The following ZNF561 variants were observed in gnomAD, a reference collection of about 807,000 sequenced individuals.
ZNF561 encodes the protein zinc finger protein 561.
In ZNF561, 16 loss-of-function variants were observed where a neutral mutation model predicts 16.7. The ratio of observed to expected loss-of-function variants is 0.96; its 90% confidence interval spans 0.65 to 1.45. The LOEUF (loss-of-function observed/expected upper bound fraction) is 1.45, where lower values mean the gene tolerates loss of function less well. Ranked by LOEUF, ZNF561 falls within the 40% of genes most tolerant of loss-of-function variation. The pLI, the probability that ZNF561 is intolerant of heterozygous loss-of-function variation, is 0.00. For synonymous variants in ZNF561, 190 were observed against 192.1 expected, an observed-to-expected ratio of 0.99 and a Z score of 0.09; for missense variants, 580 against 578.0, an observed-to-expected ratio of 1.00 and a Z score of -0.04.
At chr19:9,617,697 C>T (rs1445156706) in intron 3 of ZNF561, 1 of 457,170 alleles carries the variant, frequency 2.2e-6, no homozygotes, top group Non-Finnish European at 4.4e-6. Flanking sequence ...CACAACCAGG[C>T]TAGGAGCTCT....
Position 9,610,416 on chromosome 19 carries a change from A to G in ZNF561, c.1245T>C (p.His415=), listed in dbSNP as rs1568228660. ...SSRRSKHLKT[H]SGEKPFVCKI... is the part of the protein sequence containing the mutation. ...TGCATACAAAGGGCTTTTCTCCACT[A>G]TGAGTTTTCAAATGTTTACTACGAC... The change falls in exon 6 of 6, where the codon CAT becomes CAC. Residue 415 remains histidine (H), a synonymous_variant. Transcript: ENST00000302851. 5.0e-6 allele frequency: 8 copies of G among 1,612,686 alleles called. No homozygotes were observed. The highest frequency in any genetic ancestry group is 1.7e-4 in the Middle Eastern group (1 of 6,054).
intron 5 of ZNF561, 65 bp from the exon 6 acceptor site, chr19:9,611,401 A>G: frequency 6.9e-7 from 1 of 1,456,526 alleles, no homozygotes; most frequent in Non-Finnish European, 9.2e-7. Flanking sequence ...CACCCATCTG[A>G]ACACAGAAGC....
rs1373669491 is a variant in ZNF561 at position 9,618,103 on chromosome 19, T to C, written c.102A>G (p.Ala34=). ...KVERMVEDYL[A]SGYQDSVTFD... ...GTTTTCTGCTTACCTGATAACCACT[T>C]GCCAGGTAGTCCTCCACCATCCTTT... The change falls in exon 3 of 6, where the codon GCA becomes GCG. Residue 34 remains alanine, a synonymous_variant. Transcript: ENST00000302851. The C allele has an allele frequency of 6.4e-7, 1 of 1,551,154 alleles. No homozygotes were observed.
intron 4 of ZNF561, among the ~76,000 whole-genome samples, chr19:9,616,652 T>C (rs1568235459): frequency 6.6e-6 from 1 of 151,548 alleles, no homozygotes; most frequent in African/African-American, 2.4e-5. Flanking sequence ...AGTGCAGTGG[T>C]GTGATCTTGG....
At position 9,621,225 on chromosome 19, in the gene ZNF561, C is replaced by T. The variant is rs1485897197; in HGVS notation, c.-190G>A. On this transcript the variant is annotated 5_prime_UTR_variant, in exon 1 of 6. Coordinates refer to ENST00000302851, the MANE Select transcript of ZNF561 (RefSeq NM_152289.3). The stretch of plus-strand genomic sequence containing the variant: ...CGCACTGACGGAGAGGAGCCAGCGC[C>T]GGAAAAGATGGCGGTGGTGCGCTGA... The T allele has an allele frequency of 1.3e-5, 2 of 155,692 alleles. No homozygotes were observed. Among genetic ancestry groups the T allele is most frequent in the Non-Finnish European group, 2.9e-5 (2 of 69,550 alleles). 9.6% of individuals were successfully genotyped at this position (155,692 alleles called of 1,614,324 possible). A position where few individuals can be genotyped will look rare whatever the true frequency, so the allele number is the denominator to read the frequency against.
rs1192465126 is a variant in ZNF561 at position 9,609,040 on chromosome 19, C to A, written c.*1160G>T. On this transcript the variant is annotated 3_prime_UTR_variant, in exon 6 of 6. Coordinates refer to ENST00000302851, the MANE Select transcript of ZNF561 (RefSeq NM_152289.3). Reference sequence around the variant, plus strand: ...TGAGGGCAAGGAACACCTGGCCCACCCACGGTGGAAAACTGGAAAACTGCT... The same window carrying A: ...TGAGGGCAAGGAACACCTGGCCCACACACGGTGGAAAACTGGAAAACTGCT... The A allele has an allele frequency of 6.6e-6, 1 of 152,086 alleles. No homozygotes were observed. The highest frequency in any genetic ancestry group is 1.5e-5 in the Non-Finnish European group (1 of 68,028). 9.4% of individuals were successfully genotyped at this position (152,086 alleles called of 1,614,324 possible).
chr19:9,614,220 T>G, intron 4 of ZNF561, 117 bp from the exon 5 acceptor site: 1 of 1,324,736 alleles, frequency 7.5e-7, no homozygotes. Flanking sequence ...CCAGAGAACC[T>G]TGAGGATTTT....
rs778744827 is a variant in ZNF561 at position 9,610,490 on chromosome 19, T to C, written c.1171A>G (p.Lys391Glu). Reference sequence around the variant, plus strand: ...CCACATTCAACACATTCATAAGGCTTCTCTCCTGTGTGAATTCTTGTATGC... The same window carrying C: ...CCACATTCAACACATTCATAAGGCTCCTCTCCTGTGTGAATTCTTGTATGC... Reference protein sequence around the residue: ...IQHTRIHTGEKPYECVECGKT... With the variant: ...IQHTRIHTGEEPYECVECGKT... Residue 391 changes from lysine to glutamate, a missense_variant, in exon 6 of 6, where the codon AAG becomes GAG. Transcript: ENST00000302851. 6 of 1,613,660 alleles carry C rather than the reference T, an allele frequency of 3.7e-6. No homozygotes were observed. The highest frequency in any genetic ancestry group is 5.1e-6 in the Non-Finnish European group (6 of 1,179,586).
chr19:9,612,727 G>A (rs776352197), intron 5 of ZNF561, among the ~76,000 whole-genome samples: 12 of 152,118 alleles, frequency 7.9e-5, no homozygotes, highest in Non-Finnish European at 1.2e-4. Flanking sequence ...TGAATGATGG[G>A]CCCTTTTGCC....
chr19:9,616,776 A>G (rs1179747305), intron 4 of ZNF561, among the ~76,000 whole-genome samples: 2 of 151,126 alleles, frequency 1.3e-5, no homozygotes, highest in Non-Finnish European at 2.9e-5. Flanking sequence ...GAATTTTTTT[A>G]GTAGAGACGG....
rs2074618979 is a variant in ZNF561, at chr19:9,619,444, A to G, written c.13T>C (p.Tyr5His). MAAI[Y>H]LSRGFFSREP... ...AACAAAGACTTACCACGGGACAAAT[A>G]AATGGCTGCCATTCTCTGAAGCTGA... The change falls in exon 2 of 6, where the codon TAT (tyrosine) becomes CAT (histidine). Residue 5 changes from tyrosine to histidine, a missense_variant. Coordinates refer to ENST00000302851, the MANE Select transcript of ZNF561 (RefSeq NM_152289.3). 2.5e-6 allele frequency: 4 copies of G among 1,613,468 alleles called. No individual in the cohort carries two copies. Among genetic ancestry groups the G allele is most frequent in the Non-Finnish European group, 3.4e-6 (4 of 1,179,550 alleles).
intron 1 of ZNF561, among the ~76,000 whole-genome samples, chr19:9,619,828 T>G (rs1369208659): frequency 6.6e-6 from 1 of 152,200 alleles, no homozygotes; most frequent in Non-Finnish European, 1.5e-5. Flanking sequence ...TCCCAGTAGC[T>G]ATCATTACCT....
chr19:9,617,474 T>C lies in ZNF561; in HGVS notation c.115-303A>G. The C allele has an allele frequency of 9.0e-6, 3 of 333,148 alleles. No individual in the cohort carries two copies. In the South Asian group the frequency reaches 2.0e-4, roughly 22 times the overall value. 20.6% of individuals were successfully genotyped at this position (333,148 alleles called of 1,614,324 possible). ...TTTATTTTTATTTTGATTAGAACAG[T>C]ACTTCCTAAAGATGAATTTTCCTCT... On this transcript the variant is annotated intron_variant, in intron 3 of 5. Coordinates refer to ENST00000302851, the MANE Select transcript of ZNF561 (RefSeq NM_152289.3).
In ZNF561 at chr19:9,621,179, C is replaced by G. The variant is rs557695189; in HGVS notation, c.-144G>C. The G allele has an allele frequency of 6.4e-6, 1 of 155,042 alleles. No homozygotes were observed. Among genetic ancestry groups the G allele is most frequent in the Non-Finnish European group, 1.4e-5 (1 of 69,226 alleles). The allele number at this position is 155,042 out of a possible 1,614,324, so 9.6% of individuals were successfully genotyped here. A position where few individuals can be genotyped will look rare whatever the true frequency, so the allele number is the denominator to read the frequency against. ...GAACTCACCACAGCCTGGGCAGACT[C>G]CACCACCATAAAGGCGAAACCGCAC... is the stretch of plus-strand genomic sequence containing the variant. On this transcript the variant is annotated 5_prime_UTR_variant, in exon 1 of 6. Coordinates refer to ENST00000302851, the MANE Select transcript of ZNF561 (RefSeq NM_152289.3).
intron 1 of ZNF561, chr19:9,620,808 C>G (rs1386603002): frequency 6.6e-6 from 1 of 152,134 alleles, no homozygotes; most frequent in Non-Finnish European, 1.5e-5. Context: ...TTTGGGGGAC[C>G]GAGGCAGACA....
At chr19:9,618,457 TG>T (rs2074599145) in intron 2 of ZNF561, among the ~76,000 whole-genome samples, 1 of 152,200 alleles carries the variant, frequency 6.6e-6, no homozygotes. Context: ...CCAGGTGCGG[TG>T]CCTCATGCCT....
chr19:9,618,137 G>T lies in ZNF561; in HGVS notation c.68C>A (p.Thr23Lys). ...GTCCTCCACCATCCTTTCTACCTTT[G>T]TCTTTTCTTCAAAAGGGCAGATTGG... ...REPICPFEEKTKVERMVEDYL... is the reference protein window; with the variant it reads ...REPICPFEEKKKVERMVEDYL... The change falls in exon 3 of 6, where the codon ACA (threonine) becomes AAA (lysine). Residue 23 changes from threonine (T) to lysine (K), a missense_variant. Physicochemically the swap from Thr to Lys is moderately conservative, Grantham distance 78. Coordinates refer to ENST00000302851, the MANE Select transcript of ZNF561 (RefSeq NM_152289.3). The T allele has an allele frequency of 6.4e-7, 1 of 1,551,250 alleles. No homozygotes were observed. Among genetic ancestry groups the T allele is most frequent in the South Asian group, 1.2e-5 (1 of 84,062 alleles).
Position 9,610,611 on chromosome 19 carries a change from C to T in ZNF561, c.1050G>A (p.Ser350=), listed in dbSNP as rs771567064. 1.2e-5 allele frequency: 20 copies of T among 1,613,408 alleles called. No homozygotes were observed. The highest frequency in any genetic ancestry group is 4.4e-5 in the South Asian group (4 of 91,040). The part of the protein sequence containing the change: ...KECGQAFAQY[S]GLSIHIRSHS... ...GACTTCGTATGTGTATAGAAAGGCC[C>T]GAGTACTGAGCAAAGGCTTGGCCAC... The change falls in exon 6 of 6, where the codon TCG becomes TCA. Residue 350 remains serine (S), a synonymous_variant. Transcript: ENST00000302851.
chr19:9,618,215 C>T (rs1171874683), intron 2 of ZNF561, 36 bp from the exon 3 acceptor site: 1 of 1,519,750 alleles, frequency 6.6e-7, no homozygotes, highest in African/African-American at 1.4e-5. Context: ...GAAGCCAGAG[C>T]TGCCCATCCT....
Sources: gnomAD v4.1 joint callset for allele counts (sites outside exome capture counted in the v4.1 genomes callset) on GRCh38, gnomAD v4.1.1 for gene constraint, MANE v1.5 for transcripts, NCBI Gene and HGNC (gene_info 2026-07-23, HGNC 2026-07-21) for gene names.